ADGRL3: variants seen among roughly 807,000 people sequenced by gnomAD.
The protein encoded by ADGRL3 is calcium-independent alpha-latrotoxin receptor 3.
A neutral mutation model predicts 153.5 loss-of-function variants in ADGRL3; 62 were observed. The ratio of observed to expected loss-of-function variants is 0.40; its 90% CI spans 0.33 to 0.50. The LOEUF (loss-of-function observed/expected upper bound fraction) is 0.50. Ranked by LOEUF, ADGRL3 falls within the 20% of genes least tolerant of loss-of-function variation. The pLI is 0.47. For missense variants in ADGRL3, 1,641 were observed against 1,859.4 expected (o/e 0.88, Z 2.16); for synonymous variants, 710 against 672.5 (o/e 1.06, Z -0.86).
chr4:61,421,596 G>A (rs2097208235), intron 2 of ADGRL3, among the ~76,000 whole-genome samples: 1 of 152,032 alleles, frequency 6.6e-6, no homozygotes, highest in Non-Finnish European at 1.5e-5. Flanking sequence ...ATGCTTTGAT[G>A]CCACTTACAA....
intron 2 of ADGRL3, among the ~76,000 whole-genome samples, chr4:61,465,758 A>AATATATATAAATATATATAT (rs1553936154): frequency 7.7e-6 from 1 of 130,156 alleles, no homozygotes; most frequent in South Asian, 2.5e-4. Context: ...ATTATATATA[A>AATATATATAAATATATATAT]ATATATATAT....
At chr4:61,821,800 A>T (rs1026181514) in intron 9 of ADGRL3, among the ~76,000 whole-genome samples, 2 of 152,192 alleles carry the variant, frequency 1.3e-5, no homozygotes, top group Non-Finnish European at 2.9e-5. Context: ...TCATGTGCAA[A>T]TTGAATTATA....
rs183327234 is a variant in ADGRL3 at position 61,234,971 on chromosome 4, A to T, written c.-240+33206A>T. Among the ~76,000 whole-genome samples the T allele has an allele frequency of 1.6e-4, 25 of 152,304 alleles. No homozygotes were observed. The East Asian group carries it at 4.8e-3, about 29-fold the overall frequency. Reference sequence around the variant, plus strand: ...ATGCTTGAATGTGATTATGAGTTGCATGAAGTTAGCCAGAAGTGAAAACAT... The same window carrying T: ...ATGCTTGAATGTGATTATGAGTTGCTTGAAGTTAGCCAGAAGTGAAAACAT... On this transcript the variant is annotated intron_variant, in intron 1 of 26. Transcript: ENST00000683033.
chr4:61,763,041 T>TA (rs1421241545), intron 8 of ADGRL3, among the ~76,000 whole-genome samples: 3 of 152,228 alleles, frequency 2.0e-5, no homozygotes, highest in Admixed American at 6.6e-5. Context: ...TTTTTCCCCT[T>TA]AAAAAAAGAA....
intron 8 of ADGRL3, among the ~76,000 whole-genome samples, chr4:61,760,225 C>A (rs1033740013): frequency 6.6e-6 from 1 of 152,148 alleles, no homozygotes; most frequent in Non-Finnish European, 1.5e-5. Flanking sequence ...GTTACTGCTG[C>A]CTTTTGTTTG....
intron 21 of ADGRL3, 91 bp downstream of exon 21, chr4:61,998,356 G>T: frequency 1.6e-6 from 1 of 622,044 alleles, no homozygotes; most frequent in Non-Finnish European, 2.6e-6. Context: ...TATGACAAAA[G>T]GATAAAGAAT....
At chr4:61,617,852 T>C (rs1180544619) in intron 5 of ADGRL3, among the ~76,000 whole-genome samples, 1 of 152,224 alleles carries the variant, frequency 6.6e-6, no homozygotes, top group Non-Finnish European at 1.5e-5. Context: ...AATATCTATC[T>C]GCTTCCATTA....
chr4:61,867,681 C>T (rs900239200), intron 9 of ADGRL3, among the ~76,000 whole-genome samples: 13 of 151,040 alleles, frequency 8.6e-5, no homozygotes, highest in African/African-American at 3.2e-4. Context: ...GAAATGAAGG[C>T]CAAAAGAAGC....
intron 1 of ADGRL3, among the ~76,000 whole-genome samples, chr4:61,207,266 TCAACTC>T (rs1737737928): frequency 6.6e-6 from 1 of 152,092 alleles, no homozygotes; most frequent in African/African-American, 2.4e-5. Flanking sequence ...TTCTCATTGT[TCAACTC>T]CAACTTATGA....
intron 1 of ADGRL3, among the ~76,000 whole-genome samples, chr4:61,245,039 A>T (rs961441420): frequency 3.9e-5 from 6 of 152,014 alleles, no homozygotes; most frequent in African/African-American, 1.2e-4. Flanking sequence ...CGGGGCTGCA[A>T]ACTGGTGAGT....
intron 3 of ADGRL3, among the ~76,000 whole-genome samples, chr4:61,511,350 T>G (rs1340007130): frequency 6.6e-6 from 1 of 152,182 alleles, no homozygotes; most frequent in Non-Finnish European, 1.5e-5. Flanking sequence ...TCCAGCCTGG[T>G]GACAGAGTGA....
At chr4:61,463,046 A>G (rs2097842730) in intron 2 of ADGRL3, among the ~76,000 whole-genome samples, 1 of 152,318 alleles carries the variant, frequency 6.6e-6, no homozygotes, top group East Asian at 1.9e-4. Flanking sequence ...TAAAGTGAAT[A>G]TAGAAAATAA....
Position 61,771,250 on chromosome 4 carries a change from C to T in ADGRL3, c.1399+37696C>T, listed in dbSNP as rs76819911. Among the ~76,000 whole-genome samples the T allele has an allele frequency of 4.9e-4, 74 of 152,316 alleles. 1 individual carries two copies. The East Asian group carries it at 0.012, about 24-fold the overall frequency. ...AAGACCCCTGTGCAAGTTCCCTTAT[C>T]TGCACAAAACATCTGGTATAAATGC... On this transcript the variant is annotated intron_variant, in intron 8 of 26. Transcript: ENST00000683033.
intron 1 of ADGRL3, among the ~76,000 whole-genome samples, chr4:61,281,898 T>C (rs927749269): frequency 6.6e-6 from 1 of 152,156 alleles, no homozygotes; most frequent in Non-Finnish European, 1.5e-5. Context: ...CAACATCATC[T>C]TTCTAGATTC....
At chr4:61,503,382 T>C (rs1207656117) in intron 3 of ADGRL3, among the ~76,000 whole-genome samples, 1 of 152,144 alleles carries the variant, frequency 6.6e-6, no homozygotes, top group Non-Finnish European at 1.5e-5. Flanking sequence ...TTTTTTATAT[T>C]TCTTTGTCTG....
chr4:61,820,770 A>G (rs1450314225), intron 9 of ADGRL3, among the ~76,000 whole-genome samples: 1 of 152,188 alleles, frequency 6.6e-6, no homozygotes, highest in Non-Finnish European at 1.5e-5. Context: ...AAATAAGTAC[A>G]TGAGAGTTCT....
At chr4:62,068,113 G>A (rs1743976843) in intron 25 of ADGRL3, 53 bp from the exon 26 acceptor site, 26 of 1,258,024 alleles carry the variant, frequency 2.1e-5, no homozygotes, top group Non-Finnish European at 2.7e-5. Flanking sequence ...TTCTACTGTC[G>A]CTGTAAGCTT....
In ADGRL3 at chr4:62,073,381, C is replaced by A. The variant is rs1029258819; in HGVS notation, c.*2473C>A. On this transcript the variant is annotated 3_prime_UTR_variant, in exon 27 of 27. Coordinates refer to ENST00000683033, the MANE Select transcript of ADGRL3 (RefSeq NM_001387552.1). ...TAATGATAATTAGGTTTTCTCACAC[C>A]ACACTATGGCAATATTAGCACGTCC... The A allele has an allele frequency of 3.9e-5, 6 of 151,984 alleles. No homozygotes were observed. The highest frequency in any genetic ancestry group is 1.4e-4 in the African/African-American group (6 of 41,402). 9.4% of individuals were successfully genotyped at this position (151,984 alleles called of 1,614,324 possible).
intron 2 of ADGRL3, among the ~76,000 whole-genome samples, chr4:61,383,951 A>G (rs1233037193): frequency 6.6e-6 from 1 of 151,870 alleles, no homozygotes; most frequent in Admixed American, 6.6e-5. Flanking sequence ...CATGTACATT[A>G]TTATAAATAC....
Sources: gnomAD v4.1 joint callset for allele counts (sites outside exome capture counted in the v4.1 genomes callset) on GRCh38, gnomAD v4.1.1 for gene constraint, MANE v1.5 for transcripts, NCBI Gene and HGNC (gene_info 2026-07-23, HGNC 2026-07-21) for gene names.